The following MYCBPAP variants were observed in gnomAD, a reference collection of about 807,000 sequenced individuals.
MYCBPAP encodes MYCBP associated protein.
MYCBPAP carries 60 observed loss-of-function variants against 106.1 expected under a neutral mutation model. That is an observed-to-expected ratio of 0.57 (90% CI 0.46 to 0.70). The LOEUF (loss-of-function observed/expected upper bound fraction) is 0.70. Among genes scored for constraint, MYCBPAP ranks in the 30% least tolerant of loss-of-function variants. The probability of loss-of-function intolerance (pLI) is 0.00; values close to 1 mark genes in which losing one functional copy is unlikely to be tolerated. For missense variants in MYCBPAP, 1,064 were observed against 1,169.3 expected, an observed-to-expected ratio of 0.91 and a Z score of 1.31; for synonymous variants, 407 against 440.6, an observed-to-expected ratio of 0.92 and a Z score of 0.95.
chr17:50,525,659 C>CTCTCTTTTTTTTTTT (rs57947501), intron 13 of MYCBPAP, among the ~76,000 whole-genome samples: 1 of 131,364 alleles, frequency 7.6e-6, no homozygotes, highest in Non-Finnish European at 1.6e-5. Flanking sequence ...GCTAATTTCT[C>CTCTCTTTTTTTTTTT]TTTTTTTTTT....
At position 50,518,644 on chromosome 17, in the gene MYCBPAP, C is replaced by T. The variant is rs1186715521; in HGVS notation, c.572C>T (p.Ala191Val). Residue 191 changes from alanine (A) to valine (V), a missense_variant, in exon 5 of 19, where the codon GCC (alanine) becomes GTC (valine). Transcript: ENST00000323776. Reference sequence around the variant, plus strand: ...AAAGAAGAGAAGAGACCTCCCTGGGCCCCACCTCCTCAGCACAACTTTCTG... The same window carrying T: ...AAAGAAGAGAAGAGACCTCCCTGGGTCCCACCTCCTCAGCACAACTTTCTG... ...APKEEKRPPW[A>V]PPPQHNFLKN... 1.9e-6 allele frequency: 3 copies of T among 1,609,978 alleles called. No homozygotes were observed. Among genetic ancestry groups the T allele is most frequent in the Non-Finnish European group, 2.5e-6 (3 of 1,178,742 alleles).
intron 13 of MYCBPAP, among the ~76,000 whole-genome samples, chr17:50,525,659 C>CTT (rs112712266): frequency 7.6e-6 from 1 of 131,364 alleles, no homozygotes. Context: ...GCTAATTTCT[C>CTT]TTTTTTTTTT....
At chr17:50,531,216 C>A in intron 18 of MYCBPAP, 111 bp from the exon 19 acceptor site, 2 of 660,778 alleles carry the variant, frequency 3.0e-6, no homozygotes, top group Non-Finnish European at 4.8e-6. Flanking sequence ...GAAATTCTTT[C>A]ACAAACAACT....
rs373928628 is a variant in MYCBPAP at position 50,524,737 on chromosome 17, T to TGTGTGTGAGAGAGAGA, written c.1636-139_1636-138insTGTGTGAGAGAGAGAG. ...GTGTGTGTGTGTGTGTGTGTGTGTG[T>TGTGTGTGAGAGAGAGA]GAGAGAGAGAGAGAGAGAGAGACAA... On this transcript the variant is annotated intron_variant, in intron 12 of 18. Transcript: ENST00000323776. 249 of 463,632 alleles carry TGTGTGTGAGAGAGAGA rather than the reference T, an allele frequency of 5.4e-4. 2 individuals carry two copies. In the African/African-American group the frequency reaches 5.8e-3, roughly 11 times the overall value. The allele number at this position is 463,632 out of a possible 1,614,324, so 28.7% of individuals were successfully genotyped here.
Position 50,528,703 on chromosome 17 carries a change from T to C in MYCBPAP, c.2416T>C (p.Ser806Pro). ...CCACCCACCTCCCTTAGATCAAAAA[T>C]CACCTCCTATCATGGAAGTGAAGGT... The part of the protein sequence containing the change: ...LNVPEEQDQK[S>P]PPIMEVKVPV... Residue 806 changes from serine (S) to proline (P), a missense_variant, in exon 17 of 19, where the codon TCA becomes CCA. Ser to Pro is a moderately conservative substitution (Grantham distance 74, BLOSUM62 -1). Coordinates refer to ENST00000323776, the MANE Select transcript of MYCBPAP (RefSeq NM_032133.6). 6.2e-7 allele frequency: 1 copy of C among 1,613,546 alleles called. No homozygotes were observed. The highest frequency in any genetic ancestry group is 8.5e-7 in the Non-Finnish European group (1 of 1,179,828).
At chr17:50,523,479 C>T (rs1257484630) in intron 11 of MYCBPAP, 118 bp from the exon 12 acceptor site, 2 of 1,062,262 alleles carry the variant, frequency 1.9e-6, no homozygotes, top group Non-Finnish European at 2.8e-6. Context: ...CCTGGGCAAA[C>T]TGGGATGGTT....
rs138251646 is a variant in MYCBPAP at position 50,529,147 on chromosome 17, C to G, written c.2683C>G (p.Pro895Ala). ...CCTCTCTTCTCAAGAACCCATAGAC[C>G]CCCTGGTCATGGGGAAATACACCCA... ...IILSSQEPID[P>A]LVMGKYTQSL... Residue 895 changes from proline (P) to alanine (A), a missense_variant, in exon 18 of 19, where the codon CCC becomes GCC. Physicochemically the swap from Pro to Ala is conservative, Grantham distance 27. Transcript: ENST00000323776. The G allele has an allele frequency of 6.2e-6, 10 of 1,613,476 alleles. No individual in the cohort carries two copies. Among genetic ancestry groups the G allele is most frequent in the Non-Finnish European group, 8.5e-6 (10 of 1,180,026 alleles).
Position 50,525,901 on chromosome 17 carries a change from G to A in MYCBPAP, c.1803G>A (p.Val601=). Residue 601 remains valine, a synonymous_variant, in exon 14 of 19, where the codon GTG becomes GTA. Coordinates refer to ENST00000323776, the MANE Select transcript of MYCBPAP (RefSeq NM_032133.6). ...RNPPLHYEHQ[V]VQSLHQLWRQ... The stretch of plus-strand genomic sequence containing the variant: ...TGCAGCTGCATTATGAGCACCAAGT[G>A]GTGCAAAGCCTGCACCAACTGTGGC... The A allele has an allele frequency of 6.2e-7, 1 of 1,608,840 alleles. No individual in the cohort carries two copies. Among genetic ancestry groups the A allele is most frequent in the Non-Finnish European group, 8.5e-7 (1 of 1,178,438 alleles).
At position 50,526,201 on chromosome 17, in the gene MYCBPAP, G is replaced by A. The variant is rs774188019; in HGVS notation, c.2103G>A (p.Lys701=). ...VEESPDVDST[K]SPWEPDGLPL... ...AAAGCCCAGATGTGGACAGCACCAA[G>A]AGCCCCTGGGAGCCGGATGGCCTTC... Residue 701 remains lysine, a synonymous_variant, in exon 14 of 19, where the codon AAG becomes AAA. Coordinates refer to ENST00000323776, the MANE Select transcript of MYCBPAP (RefSeq NM_032133.6). The A allele has an allele frequency of 1.2e-6, 2 of 1,613,280 alleles. No individual in the cohort carries two copies. The highest frequency in any genetic ancestry group is 2.2e-5 in the East Asian group (1 of 44,858).
intron 10 of MYCBPAP, chr17:50,522,709 A>AAAAAAAAAAAAAAAAAAAAATATATATAT: frequency 3.0e-4 from 15 of 50,000 alleles, no homozygotes; most frequent in South Asian, 1.6e-3. Flanking sequence ...AAAAAAAAAA[A>AAAAAAAAAAAAAAAAAAAAATATATATAT]ATATATATAT....
In MYCBPAP at chr17:50,531,316, C is replaced by G. The variant is rs181155812; in HGVS notation, c.2725-11C>G. ...GTAAACTCTGCCTGTGATGTTGTCCCGTTCTTCCAGGTCCGTGGGCTGCTG... is the reference window on the plus strand; with the variant it reads ...GTAAACTCTGCCTGTGATGTTGTCCGGTTCTTCCAGGTCCGTGGGCTGCTG... On this transcript the variant is annotated splice_polypyrimidine_tract_variant and intron_variant, in intron 18 of 18. Coordinates refer to ENST00000323776, the MANE Select transcript of MYCBPAP (RefSeq NM_032133.6). The G allele has an allele frequency of 4.4e-6, 7 of 1,600,456 alleles. 1 individual carries two copies. The South Asian group carries it at 7.8e-5, about 18-fold the overall frequency.
intron 1 of MYCBPAP, among the ~76,000 whole-genome samples, chr17:50,513,342 A>G (rs9914740): frequency 1 from 151,925 of 151,930 alleles, 75,960 homozygotes; most frequent in Middle Eastern, 1. Flanking sequence ...AGCTGAGATC[A>G]CACCACTGCA....
chr17:50,511,344 C>T (rs2033840770), intron 1 of MYCBPAP, among the ~76,000 whole-genome samples: 1 of 152,066 alleles, frequency 6.6e-6, no homozygotes, highest in Non-Finnish European at 1.5e-5. Flanking sequence ...TGTCTTGTTG[C>T]TAAGAAACCA....
Position 50,521,206 on chromosome 17 carries a change from A to G in MYCBPAP, c.1013A>G (p.Glu338Gly). 3 of 1,612,996 alleles carry G rather than the reference A, an allele frequency of 1.9e-6. No individual in the cohort carries two copies. Among genetic ancestry groups the G allele is most frequent in the Non-Finnish European group, 2.5e-6 (3 of 1,179,634 alleles). ...AAGGAGCTGCAGAGAATCATGGAAG[A>G]GCTGGATTTCAGCCAGCAGGTTGGT... The part of the protein sequence containing the change: ...RRKELQRIME[E>G]LDFSQQDIDG... Residue 338 changes from glutamate (E) to glycine (G), a missense_variant, in exon 8 of 19, where the codon GAG (glutamate) becomes GGG (glycine). Glu to Gly is a moderately conservative substitution (Grantham distance 98). Transcript: ENST00000323776.
At chr17:50,518,207 C>T (rs2034122617) in intron 4 of MYCBPAP, among the ~76,000 whole-genome samples, 1 of 152,224 alleles carries the variant, frequency 6.6e-6, no homozygotes, top group South Asian at 2.1e-4. Flanking sequence ...TCTGATTGGT[C>T]AGGCGCTAAG....
At chr17:50,530,956 G>C (rs1237997642) in intron 18 of MYCBPAP, among the ~76,000 whole-genome samples, 1 of 152,124 alleles carries the variant, frequency 6.6e-6, no homozygotes, top group Non-Finnish European at 1.5e-5. Flanking sequence ...TTCGAGACTA[G>C]CCTGGGCAAT....
chr17:50,508,382 G>A, upstream of MYCBPAP: 1 of 577,462 alleles, frequency 1.7e-6, no homozygotes, highest in Non-Finnish European at 2.8e-6. Flanking sequence ...GCCCCGCCCG[G>A]CTGGTGACGT....
chr17:50,508,722 A>G lies in MYCBPAP; in HGVS notation c.48A>G (p.Arg16=). The change falls in exon 1 of 19, where the codon AGA becomes AGG. Residue 16 remains arginine (R), a synonymous_variant. Transcript: ENST00000323776. ...CCCGCCTCAGAATAACTCCGACCAG[A>G]TTATTAGAGGCCTCAGAGAATGTCA... The part of the protein sequence containing the change: ...KDSRLRITPT[R]LLEASENVKE... The G allele has an allele frequency of 1.2e-6, 2 of 1,611,682 alleles. No homozygotes were observed. Among genetic ancestry groups the G allele is most frequent in the Non-Finnish European group, 1.7e-6 (2 of 1,178,838 alleles).
In MYCBPAP at chr17:50,508,479, G is replaced by A. The variant is rs1458014622; in HGVS notation, c.-196G>A. The A allele has an allele frequency of 1.0e-5, 15 of 1,449,004 alleles. No individual in the cohort carries two copies. Among genetic ancestry groups the A allele is most frequent in the Admixed American group, 2.6e-5 (1 of 38,442 alleles). The allele number at this position is 1,449,004 out of a possible 1,614,324, so 89.8% of individuals were successfully genotyped here. A position where few individuals can be genotyped will look rare whatever the true frequency, so the allele number is the denominator to read the frequency against. ...TCCGTCGCTCTTGAAGCCGCCGGCG[G>A]CGGGCGCGTGCGCGGCCCGATGAAG... On this transcript the variant is annotated 5_prime_UTR_variant, in exon 1 of 19. Transcript: ENST00000323776.
Sources: gnomAD v4.1 joint callset for allele counts (sites outside exome capture counted in the v4.1 genomes callset) on GRCh38, gnomAD v4.1.1 for gene constraint, MANE v1.5 for transcripts, NCBI Gene and HGNC (gene_info 2026-07-23, HGNC 2026-07-21) for gene names.